The following LRP1B variants were observed in gnomAD, a reference collection of about 807,000 sequenced individuals.
LRP1B encodes LDL receptor related protein 1B.
LRP1B carries 217 observed loss-of-function variants against 556.6 expected under a neutral mutation model. The observed-to-expected ratio is 0.39, with a 90% CI of 0.35 to 0.44. The LOEUF is 0.44. Ranked by LOEUF, LRP1B falls within the 20% of genes least tolerant of loss-of-function variation. The pLI is 1.00. For missense variants in LRP1B, 5,053 were observed against 5,620.8 expected (o/e 0.90, Z 3.23); for synonymous variants, 2,047 against 1,865.8 (o/e 1.10, Z -2.50).
intron 2 of LRP1B, among the ~76,000 whole-genome samples, chr2:141,582,921 C>A (rs191897054): frequency 2.0e-5 from 3 of 148,584 alleles, no homozygotes; most frequent in Non-Finnish European, 4.4e-5. Context: ...CTGCAACCTC[C>A]GCCTCCTGGG....
chr2:140,698,282 T>G (rs1168378245), intron 41 of LRP1B, among the ~76,000 whole-genome samples: 2 of 152,046 alleles, frequency 1.3e-5, no homozygotes, highest in Admixed American at 1.3e-4. Context: ...ATCTTTATAC[T>G]CTTAATCATT....
At chr2:141,829,662 C>T (rs1697048631) in intron 1 of LRP1B, among the ~76,000 whole-genome samples, 1 of 151,954 alleles carries the variant, frequency 6.6e-6, no homozygotes, top group African/African-American at 2.4e-5. Context: ...AGTCTGAACA[C>T]CTCGTATTTT....
intron 2 of LRP1B, among the ~76,000 whole-genome samples, chr2:141,623,940 A>C (rs62166516): frequency 0.04 from 5,793 of 146,442 alleles, 144 homozygotes; most frequent in Non-Finnish European, 0.059. Context: ...GCTTGAACCC[A>C]GGAGGCAGAG....
intron 1 of LRP1B, among the ~76,000 whole-genome samples, chr2:142,028,161 A>G (rs1202663724): frequency 6.6e-6 from 1 of 151,954 alleles, no homozygotes; most frequent in Non-Finnish European, 1.5e-5. Flanking sequence ...AGCTGGAGAG[A>G]GGGGATATTT....
intron 1 of LRP1B, among the ~76,000 whole-genome samples, chr2:141,958,558 T>C (rs1190835606): frequency 2.0e-5 from 3 of 152,064 alleles, no homozygotes; most frequent in East Asian, 3.9e-4. Flanking sequence ...TTAAAAAATC[T>C]GTCTACTGTG....
At position 141,063,316 on chromosome 2, in the gene LRP1B, A is replaced by AGATAGCCAG. The variant is rs1296146787; in HGVS notation, c.1014-1044_1014-1043insCTGGCTATC. Among the ~76,000 whole-genome samples, 22 of 151,854 alleles carry AGATAGCCAG rather than the reference A, an allele frequency of 1.4e-4. 1 individual carries two copies. Among genetic ancestry groups the AGATAGCCAG allele is most frequent in the Admixed American group, 9.2e-4 (14 of 15,184 alleles). ...TTATCTAACAGTATGGGGTATCTTT[A>AGATAGCCAG]AAGCTTAAACACATTATTTAAACTT... On this transcript the variant is annotated intron_variant, in intron 7 of 90. Transcript: ENST00000389484.
chr2:141,188,376 TA>T (rs2105192587), intron 7 of LRP1B, 44 bp downstream of exon 7: 1 of 1,575,120 alleles, frequency 6.3e-7, no homozygotes, highest in Non-Finnish European at 8.6e-7. Context: ...CTTTTCTTTT[TA>T]AACGCAAACT....
At chr2:141,519,559 G>A (rs1339993522) in intron 2 of LRP1B, among the ~76,000 whole-genome samples, 2 of 151,754 alleles carry the variant, frequency 1.3e-5, no homozygotes, top group East Asian at 3.9e-4. Context: ...CTCTTCAGTG[G>A]AAGAATTCAA....
chr2:141,643,725 T>C (rs1689431388), intron 2 of LRP1B, among the ~76,000 whole-genome samples: 1 of 152,128 alleles, frequency 6.6e-6, no homozygotes, highest in Admixed American at 6.6e-5. Flanking sequence ...TACAAGAGTA[T>C]CTCTGGTGGT....
At chr2:140,397,802 A>G (rs1290113455) in intron 66 of LRP1B, among the ~76,000 whole-genome samples, 2 of 152,188 alleles carry the variant, frequency 1.3e-5, no homozygotes, top group African/African-American at 4.8e-5. Flanking sequence ...CTTTTTATCA[A>G]CAGTTAAAGA....
intron 3 of LRP1B, among the ~76,000 whole-genome samples, chr2:141,261,013 ACT>A (rs1441265214): frequency 6.6e-6 from 1 of 152,070 alleles, no homozygotes; most frequent in East Asian, 1.9e-4. Flanking sequence ...CAAGTACCTC[ACT>A]GTTTTTTATG....
At chr2:141,283,574 C>T (rs1685587782) in intron 3 of LRP1B, among the ~76,000 whole-genome samples, 1 of 150,388 alleles carries the variant, frequency 6.6e-6, no homozygotes, top group Non-Finnish European at 1.5e-5. Flanking sequence ...AGAATGGAAA[C>T]AGCAAAGTCC....
chr2:140,900,716 TTATTG>T (rs1403620836), intron 23 of LRP1B, among the ~76,000 whole-genome samples: 1 of 152,158 alleles, frequency 6.6e-6, no homozygotes, highest in African/African-American at 2.4e-5. Flanking sequence ...TTGTATTATT[TTATTG>T]TAAAGAAATA....
chr2:141,436,064 G>T (rs1240485710), intron 3 of LRP1B, among the ~76,000 whole-genome samples: 5 of 152,158 alleles, frequency 3.3e-5, no homozygotes, highest in Non-Finnish European at 7.4e-5. Context: ...AAATGCCACA[G>T]ACTCTTTCTG....
At chr2:141,852,618 C>G (rs542222360) in intron 1 of LRP1B, among the ~76,000 whole-genome samples, 1 of 151,424 alleles carries the variant, frequency 6.6e-6, no homozygotes, top group African/African-American at 2.4e-5. Context: ...GTCAATAGAA[C>G]AGAGCAAAAG....
chr2:140,881,042 A>C (rs1051373502), intron 25 of LRP1B, among the ~76,000 whole-genome samples: 8 of 152,174 alleles, frequency 5.3e-5, no homozygotes, highest in Non-Finnish European at 1.2e-4. Context: ...AGTGAATTTT[A>C]TCTAAAATTA....
At chr2:141,629,191 C>A (rs1048535050) in intron 2 of LRP1B, among the ~76,000 whole-genome samples, 3 of 152,094 alleles carry the variant, frequency 2.0e-5, no homozygotes, top group Non-Finnish European at 4.4e-5. Context: ...TTTAAATGCC[C>A]AGTGGCATTT....
At chr2:142,001,315 T>C (rs1425695197) in intron 1 of LRP1B, among the ~76,000 whole-genome samples, 1 of 152,224 alleles carries the variant, frequency 6.6e-6, no homozygotes, top group Non-Finnish European at 1.5e-5. Flanking sequence ...ATCTTCATTG[T>C]GCATTGGGGC....
chr2:141,464,714 G>A (rs1216646639), intron 3 of LRP1B, among the ~76,000 whole-genome samples: 33 of 150,288 alleles, frequency 2.2e-4, no homozygotes, highest in Admixed American at 2.2e-3. Context: ...TTACAGGCAC[G>A]AGCCCCTGCG....
Sources: gnomAD v4.1 joint callset for allele counts (sites outside exome capture counted in the v4.1 genomes callset) on GRCh38, gnomAD v4.1.1 for gene constraint, MANE v1.5 for transcripts, NCBI Gene and HGNC (gene_info 2026-07-23, HGNC 2026-07-21) for gene names.